Variants in NCKAP5 observed in about 807,000 individuals in gnomAD.
NCKAP5 encodes the protein NCK associated protein 5.
Under a neutral mutation model 167.0 loss-of-function variants are expected in NCKAP5, and 92 were observed. That is an observed-to-expected ratio of 0.55 (90% CI 0.47 to 0.66). NCKAP5 has a LOEUF of 0.66. Ranked by LOEUF, NCKAP5 falls within the 30% of genes least tolerant of loss-of-function variation. NCKAP5 has a pLI of 0.00. For synonymous variants in NCKAP5, 891 were observed against 877.4 expected, an observed-to-expected ratio of 1.02 and a Z score of -0.27; for missense variants, 2,378 against 2,315.0, an observed-to-expected ratio of 1.03 and a Z score of -0.56.
intron 6 of NCKAP5, among the ~76,000 whole-genome samples, chr2:133,035,097 A>T (rs898429636): frequency 6.6e-6 from 1 of 152,050 alleles, no homozygotes; most frequent in South Asian, 2.1e-4. Context: ...GAAATCAAAA[A>T]AGAGCAGGAG....
chr2:133,526,165 G>GAGGGAGGA (rs1468279152), intron 2 of NCKAP5, among the ~76,000 whole-genome samples: 4 of 69,874 alleles, frequency 5.7e-5, no homozygotes, highest in African/African-American at 2.4e-4. Flanking sequence ...GAAAGGGAAT[G>GAGGGAGGA]AGGAAGGAAG....
chr2:133,541,816 G>A (rs1345201641), intron 2 of NCKAP5, among the ~76,000 whole-genome samples: 1 of 151,926 alleles, frequency 6.6e-6, no homozygotes, highest in East Asian at 1.9e-4. Context: ...AAATAGAGAG[G>A]GCTGGGAGCT....
At chr2:132,685,312 A>G (rs534286417) in intron 19 of NCKAP5, among the ~76,000 whole-genome samples, 3 of 152,292 alleles carry the variant, frequency 2.0e-5, no homozygotes, top group African/African-American at 7.2e-5. Context: ...TGTTTGCTAA[A>G]CCATTAATAT....
At chr2:133,296,447 AAAG>A (rs1325681349) in intron 4 of NCKAP5, among the ~76,000 whole-genome samples, 1 of 152,134 alleles carries the variant, frequency 6.6e-6, no homozygotes, top group Non-Finnish European at 1.5e-5. Context: ...ACACAAAAAG[AAAG>A]AATATCTTAA....
chr2:132,989,688 T>TGATCTGAGATTTTAGACTGTGC (rs2077395586), intron 7 of NCKAP5, among the ~76,000 whole-genome samples: 1 of 152,230 alleles, frequency 6.6e-6, no homozygotes, highest in Non-Finnish European at 1.5e-5. Context: ...AGTGACTTTG[T>TGATCTGAGATTTTAGACTGTGC]GACCTGAGAT....
At chr2:133,528,640 C>T (rs913875135) in intron 2 of NCKAP5, among the ~76,000 whole-genome samples, 8 of 152,200 alleles carry the variant, frequency 5.3e-5, no homozygotes, top group Non-Finnish European at 1.2e-4. Context: ...TAAAGCTATG[C>T]ACAGCCAGCC....
intron 3 of NCKAP5, among the ~76,000 whole-genome samples, chr2:133,358,122 C>T (rs1469662260): frequency 6.6e-6 from 1 of 152,198 alleles, no homozygotes; most frequent in African/African-American, 2.4e-5. Context: ...CAATATAAGT[C>T]TGCATACATT....
chr2:132,980,667 A>G (rs915572807), intron 7 of NCKAP5, among the ~76,000 whole-genome samples: 1 of 152,204 alleles, frequency 6.6e-6, no homozygotes, highest in African/African-American at 2.4e-5. Context: ...TGTGAGGTTC[A>G]AATGAGATGA....
chr2:132,967,260 T>G (rs186057035), intron 7 of NCKAP5, among the ~76,000 whole-genome samples: 1 of 151,910 alleles, frequency 6.6e-6, no homozygotes, highest in Non-Finnish European at 1.5e-5. Flanking sequence ...AGTATTATGA[T>G]GTAGAAATAA....
At chr2:132,925,050 G>T (rs983446478) in intron 8 of NCKAP5, among the ~76,000 whole-genome samples, 2 of 152,106 alleles carry the variant, frequency 1.3e-5, no homozygotes, top group African/African-American at 4.8e-5. Context: ...GTAGTGATTT[G>T]CTTCTTTTGG....
chr2:133,331,238 G>C (rs1005499438), intron 3 of NCKAP5, among the ~76,000 whole-genome samples: 3 of 152,178 alleles, frequency 2.0e-5, no homozygotes, highest in African/African-American at 7.2e-5. Context: ...TTGTTGGCAG[G>C]TTTTAATAGT....
chr2:132,896,091 C>T (rs184503496), intron 8 of NCKAP5, among the ~76,000 whole-genome samples: 4 of 152,280 alleles, frequency 2.6e-5, no homozygotes, highest in East Asian at 1.9e-4. Flanking sequence ...GCCAAGATCA[C>T]GCCACTGCCC....
chr2:132,921,202 C>T (rs1340461497), intron 8 of NCKAP5, among the ~76,000 whole-genome samples: 1 of 152,084 alleles, frequency 6.6e-6, no homozygotes, highest in Non-Finnish European at 1.5e-5. Flanking sequence ...ATGTACCAAA[C>T]TGAACCCTTT....
At chr2:133,456,002 CG>C (rs1322741919) in intron 3 of NCKAP5, among the ~76,000 whole-genome samples, 1 of 152,086 alleles carries the variant, frequency 6.6e-6, no homozygotes, top group Non-Finnish European at 1.5e-5. Flanking sequence ...GATAAACATC[CG>C]GGCTCTGTAT....
intron 5 of NCKAP5, among the ~76,000 whole-genome samples, chr2:133,134,978 A>G (rs1196902821): frequency 6.6e-6 from 1 of 152,206 alleles, no homozygotes; most frequent in African/African-American, 2.4e-5. Context: ...TGGCCCACAA[A>G]TGTTTACTGA....
chr2:132,923,595 C>T (rs1695610362), intron 8 of NCKAP5, among the ~76,000 whole-genome samples: 2 of 152,152 alleles, frequency 1.3e-5, no homozygotes, highest in African/African-American at 4.8e-5. Flanking sequence ...CAAAACTGAT[C>T]ATCACCTAAT....
intron 6 of NCKAP5, among the ~76,000 whole-genome samples, chr2:133,092,418 T>C (rs1307960642): frequency 6.6e-6 from 1 of 152,198 alleles, no homozygotes; most frequent in African/African-American, 2.4e-5. Flanking sequence ...TAGAGCCTTC[T>C]GAAGGAACTC....
intron 2 of NCKAP5, among the ~76,000 whole-genome samples, chr2:133,521,169 A>G (rs1684439880): frequency 6.6e-6 from 1 of 152,214 alleles, no homozygotes; most frequent in Non-Finnish European, 1.5e-5. Context: ...CATACAGCAG[A>G]GACTGCAGAT....
At chr2:133,251,349 C>G (rs948890768) in intron 4 of NCKAP5, among the ~76,000 whole-genome samples, 22 of 152,096 alleles carry the variant, frequency 1.4e-4, no homozygotes, top group African/African-American at 3.9e-4. Context: ...TAGCCACATA[C>G]AGTGGAGTGG....
Sources: allele counts gnomAD v4.1 joint callset (sites outside exome capture counted in the v4.1 genomes callset), GRCh38; gene constraint gnomAD v4.1.1; transcripts MANE v1.5; gene names NCBI Gene and HGNC (gene_info 2026-07-23, HGNC 2026-07-21).